Variants in TRDN observed in about 807,000 individuals in gnomAD.
TRDN encodes the protein triadin in skeletal muscle.
TRDN carries 161 observed loss-of-function variants against 149.7 expected under a neutral mutation model. That is an observed-to-expected ratio of 1.08 (90% confidence interval 0.95 to 1.23). The LOEUF (loss-of-function observed/expected upper bound fraction) is 1.23, where lower values mean the gene tolerates loss of function less well. TRDN is among the 50% of genes most tolerant of loss of function. The pLI is 0.00. For missense variants in TRDN, 896 were observed against 823.5 expected (o/e 1.09, Z -1.08); for synonymous variants, 294 against 250.5 (o/e 1.17, Z -1.64).
intron 10 of TRDN, among the ~76,000 whole-genome samples, chr6:123,460,435 G>A (rs1280941722): frequency 6.6e-6 from 1 of 152,056 alleles, no homozygotes; most frequent in African/African-American, 2.4e-5. Flanking sequence ...AACTCTTTAA[G>A]TTAAATAGGT....
intron 35 of TRDN, among the ~76,000 whole-genome samples, chr6:123,257,775 G>A (rs1776617135): frequency 6.6e-6 from 1 of 152,130 alleles, no homozygotes; most frequent in South Asian, 2.1e-4. Flanking sequence ...GAGCATGGAA[G>A]GTTTTCCATT....
chr6:123,397,117 A>G (rs1772763469), intron 12 of TRDN, among the ~76,000 whole-genome samples: 1 of 152,178 alleles, frequency 6.6e-6, no homozygotes, highest in African/African-American at 2.4e-5. Context: ...TATTACTTCA[A>G]AAGAGACAAT....
chr6:123,520,755 G>C (rs1312888449), intron 5 of TRDN, among the ~76,000 whole-genome samples: 4 of 152,132 alleles, frequency 2.6e-5, no homozygotes, highest in African/African-American at 9.7e-5. Context: ...GCCATAGTAA[G>C]AACTGTAATC....
In TRDN at chr6:123,271,069, A is replaced by AT. The variant is rs1180609690; in HGVS notation, c.1720+69dup. On this transcript the variant is annotated intron_variant, in intron 30 of 40. Transcript: ENST00000334268. ...TGTGTGTGTGTGTGTGTGTGTCTGC[A>AT]TGCACACATATGAGTGCACCACATA... 4.2e-6 allele frequency: 3 copies of AT among 722,504 alleles called. No individual in the cohort carries two copies. The Admixed American group carries it at 9.7e-5, about 23-fold the overall frequency. The allele number at this position is 722,504 out of a possible 1,614,324, so 44.8% of individuals were successfully genotyped here.
chr6:123,548,365 G>A (rs981091785), intron 3 of TRDN, 89 bp downstream of exon 3: 1 of 1,099,734 alleles, frequency 9.1e-7, no homozygotes, highest in Non-Finnish European at 1.2e-6. Context: ...TGACCCAAGT[G>A]CTCATTTGAA....
intron 19 of TRDN, among the ~76,000 whole-genome samples, chr6:123,372,973 C>G (rs978403255): frequency 6.6e-6 from 1 of 151,108 alleles, no homozygotes; most frequent in Non-Finnish European, 1.5e-5. Flanking sequence ...TTCAGCATCC[C>G]TGCCTAGCCC....
At chr6:123,472,967 C>G (rs370418833) in intron 9 of TRDN, among the ~76,000 whole-genome samples, 2 of 152,098 alleles carry the variant, frequency 1.3e-5, no homozygotes, top group African/African-American at 4.8e-5. Flanking sequence ...CAAAGACCAA[C>G]AGTAGATAAA....
chr6:123,375,677 G>A (rs1354819542), intron 18 of TRDN, 46 bp from the exon 19 acceptor site: 2 of 1,375,126 alleles, frequency 1.5e-6, no homozygotes. Context: ...TTACAAATCT[G>A]CTTATCTCTT....
intron 4 of TRDN, among the ~76,000 whole-genome samples, chr6:123,538,366 C>T (rs1440365646): frequency 2.6e-5 from 4 of 152,042 alleles, no homozygotes; most frequent in African/African-American, 9.7e-5. Context: ...TTAAATAATG[C>T]CAAACACAGC....
At position 123,569,628 on chromosome 6, in the gene TRDN, T is replaced by C. The variant is rs1003860807; in HGVS notation, c.232+1295A>G. 8.5e-5 allele frequency among the ~76,000 whole-genome samples: 13 copies of C among 152,308 alleles called. 1 individual carries two copies. The highest frequency in any genetic ancestry group is 3.1e-4 in the African/African-American group (13 of 41,580). ...TCATGATGCTGGTGTCTTCTTGGAT[T>C]CTGGGAGGGCTTCAGGAAGCTTGCA... On this transcript the variant is annotated intron_variant, in intron 2 of 40. Transcript: ENST00000334268.
In TRDN at chr6:123,449,640, A is replaced by C. The variant is rs550378399; in HGVS notation, c.932-10637T>G. On this transcript the variant is annotated intron_variant, in intron 10 of 40. Transcript: ENST00000334268. Reference sequence around the variant, plus strand: ...AGAGAATTCTAAAATCTTGTAAAACATATTTGGGGGAATAATCAAGGAAAA... The same window carrying C: ...AGAGAATTCTAAAATCTTGTAAAACCTATTTGGGGGAATAATCAAGGAAAA... Among the ~76,000 whole-genome samples, 3 of 152,298 alleles carry C rather than the reference A, an allele frequency of 2.0e-5. No individual in the cohort carries two copies. In the South Asian group the frequency reaches 6.2e-4, roughly 32 times the overall value.
chr6:123,626,186 G>A (rs546362263), intron 1 of TRDN, among the ~76,000 whole-genome samples: 33 of 152,120 alleles, frequency 2.2e-4, no homozygotes, highest in African/African-American at 7.2e-4. Flanking sequence ...CTCATTCATA[G>A]AAAGCACCTC....
intron 22 of TRDN, among the ~76,000 whole-genome samples, chr6:123,334,433 T>C (rs1346455138): frequency 1.3e-5 from 2 of 152,076 alleles, no homozygotes; most frequent in Non-Finnish European, 2.9e-5. Flanking sequence ...TTCAGTTTGC[T>C]GTTTCTCAGT....
chr6:123,468,483 G>A (rs1011859218), intron 9 of TRDN, among the ~76,000 whole-genome samples: 10 of 152,064 alleles, frequency 6.6e-5, no homozygotes, highest in African/African-American at 2.4e-4. Flanking sequence ...AGTCAATTTG[G>A]TTGTTTTTGA....
At chr6:123,314,667 A>T (rs1778959384) in intron 24 of TRDN, among the ~76,000 whole-genome samples, 1 of 152,098 alleles carries the variant, frequency 6.6e-6, no homozygotes, top group Admixed American at 6.6e-5. Flanking sequence ...GCAGTCATGA[A>T]AAAGAACAAG....
chr6:123,567,765 T>C (rs887645131), intron 2 of TRDN, among the ~76,000 whole-genome samples: 4 of 152,090 alleles, frequency 2.6e-5, no homozygotes, highest in Non-Finnish European at 4.4e-5. Flanking sequence ...ACAATAATCT[T>C]CCAAGAGGCC....
chr6:123,443,561 G>A (rs577563516), intron 10 of TRDN, among the ~76,000 whole-genome samples: 1 of 152,228 alleles, frequency 6.6e-6, no homozygotes, highest in East Asian at 1.9e-4. Flanking sequence ...GGGAGGCTGA[G>A]GCAGGTGGAT....
At chr6:123,546,826 C>T (rs184983222) in intron 4 of TRDN, among the ~76,000 whole-genome samples, 22 of 152,178 alleles carry the variant, frequency 1.4e-4, no homozygotes, top group Non-Finnish European at 2.4e-4. Flanking sequence ...GGTAACTCCA[C>T]TCCATGACAG....
In TRDN at chr6:123,400,212, A is replaced by G. The variant is rs1275982455; in HGVS notation, c.1052-6535T>C. 2.4e-5 allele frequency among the ~76,000 whole-genome samples: 3 copies of G among 126,918 alleles called. No homozygotes were observed. The East Asian group carries it at 6.5e-4, about 27-fold the overall frequency. 83.3% of individuals were successfully genotyped at this position (126,918 alleles called of 152,430 possible). On this transcript the variant is annotated intron_variant, in intron 12 of 40. Transcript: ENST00000334268. ...ATAAACACACACATACACATATACA[A>G]ACATATAAAGGAAACAAAATTTCTG...
Sources: allele counts gnomAD v4.1 joint callset (sites outside exome capture counted in the v4.1 genomes callset), GRCh38; gene constraint gnomAD v4.1.1; transcripts MANE v1.5; gene names NCBI Gene and HGNC (gene_info 2026-07-23, HGNC 2026-07-21).